Variants in TRIQK observed in about 807,000 individuals in gnomAD.
The protein encoded by TRIQK is triple QxxK/R motif containing, also known as triple QxxK/R motif-containing protein.
Under a neutral mutation model 10.8 loss-of-function variants are expected in TRIQK, and 10 were observed. That is an observed-to-expected ratio of 0.92 (90% CI 0.57 to 1.57). The LOEUF (loss-of-function observed/expected upper bound fraction) is 1.57. TRIQK is among the 40% of genes most tolerant of loss of function. TRIQK has a pLI of 0.00. For missense variants in TRIQK, 107 were observed against 97.7 expected (o/e 1.09, Z -0.40); for synonymous variants, 33 against 33.7 (o/e 0.98, Z 0.07).
intron 2 of TRIQK, among the ~76,000 whole-genome samples, chr8:92,919,992 G>A (rs1304540138): frequency 6.6e-6 from 1 of 151,402 alleles, no homozygotes; most frequent in Non-Finnish European, 1.5e-5. Context: ...TTTCTTTTTT[G>A]TTTCCCATTT....
chr8:92,919,541 A>G (rs1810060025), intron 2 of TRIQK, among the ~76,000 whole-genome samples: 1 of 151,670 alleles, frequency 6.6e-6, no homozygotes, highest in Non-Finnish European at 1.5e-5. Flanking sequence ...TTTGGTTTGT[A>G]GTGTTTTGTT....
intron 2 of TRIQK, among the ~76,000 whole-genome samples, chr8:92,940,334 TA>T (rs56063230): frequency 0.72 from 94,367 of 130,410 alleles, 32,780 homozygotes; most frequent in Non-Finnish European, 0.79. Context: ...ATAGATTTAA[TA>T]AAAAAAAAAA....
chr8:92,957,386 T>A, intron 1 of TRIQK, among the ~76,000 whole-genome samples: 1 of 151,826 alleles, frequency 6.6e-6, no homozygotes, highest in Admixed American at 6.6e-5. Context: ...GAAGTAAGAA[T>A]GAAATGAAGT....
intron 1 of TRIQK, among the ~76,000 whole-genome samples, chr8:93,005,792 A>T (rs1447472497): frequency 6.6e-6 from 1 of 152,130 alleles, no homozygotes; most frequent in Non-Finnish European, 1.5e-5. Context: ...ACATTGTACT[A>T]GAAGCCCTGC....
chr8:93,014,942 A>T (rs1475974495), intron 1 of TRIQK, among the ~76,000 whole-genome samples: 2 of 152,084 alleles, frequency 1.3e-5, no homozygotes, highest in East Asian at 1.9e-4. Context: ...TAATGTAGCC[A>T]TATAATGTGT....
chr8:92,989,286 C>T (rs1291310956), intron 1 of TRIQK, among the ~76,000 whole-genome samples: 2 of 152,116 alleles, frequency 1.3e-5, no homozygotes, highest in Non-Finnish European at 2.9e-5. Context: ...TAATCAAAAC[C>T]ATTTAAGCAG....
intron 3 of TRIQK, among the ~76,000 whole-genome samples, chr8:92,894,021 T>C (rs1816888405): frequency 6.6e-6 from 1 of 152,090 alleles, no homozygotes; most frequent in Admixed American, 6.6e-5. Flanking sequence ...AACTGCCATA[T>C]AACCATTGGT....
intron 2 of TRIQK, among the ~76,000 whole-genome samples, chr8:92,942,800 T>C (rs1811334871): frequency 2.0e-5 from 3 of 152,142 alleles, no homozygotes; most frequent in South Asian, 4.1e-4. Flanking sequence ...GTTTGAGCAG[T>C]TCTCCTGCCT....
intron 3 of TRIQK, among the ~76,000 whole-genome samples, chr8:92,901,314 T>C (rs764148508): frequency 6.6e-6 from 1 of 152,202 alleles, no homozygotes; most frequent in Non-Finnish European, 1.5e-5. Flanking sequence ...AGCAGTCTTG[T>C]CTTGTTCCAG....
At chr8:92,978,707 C>T (rs1812956235) in intron 1 of TRIQK, among the ~76,000 whole-genome samples, 1 of 152,074 alleles carries the variant, frequency 6.6e-6, no homozygotes. Flanking sequence ...GTCAGGGCAA[C>T]CACAGTCCTT....
At chr8:92,995,522 A>G (rs1310691727) in intron 1 of TRIQK, among the ~76,000 whole-genome samples, 2 of 151,804 alleles carry the variant, frequency 1.3e-5, no homozygotes, top group Non-Finnish European at 2.9e-5. Flanking sequence ...GGTCTATCCT[A>G]TGAGATTTTT....
chr8:92,942,621 A>AT (rs1811325114), intron 2 of TRIQK, among the ~76,000 whole-genome samples: 1 of 152,208 alleles, frequency 6.6e-6, no homozygotes, highest in Non-Finnish European at 1.5e-5. Flanking sequence ...TGCAGATGTC[A>AT]TTATCTTACA....
At chr8:92,946,697 A>C (rs1197657272) in intron 2 of TRIQK, among the ~76,000 whole-genome samples, 2 of 151,898 alleles carry the variant, frequency 1.3e-5, no homozygotes, top group Admixed American at 6.6e-5. Context: ...TCTCTGATTG[A>C]ACCATATTTC....
At chr8:92,969,577 A>G (rs1432212655), upstream of TRIQK, among the ~76,000 whole-genome samples, 1 of 151,370 alleles carries the variant, frequency 6.6e-6, no homozygotes, top group Non-Finnish European at 1.5e-5. Flanking sequence ...GCTTTTAAAA[A>G]CATTTTATTT....
At chr8:92,980,160 T>C (rs1400935136) in intron 1 of TRIQK, among the ~76,000 whole-genome samples, 1 of 152,076 alleles carries the variant, frequency 6.6e-6, no homozygotes, top group Non-Finnish European at 1.5e-5. Context: ...TACTAATGAG[T>C]ATTTATTTCC....
At chr8:92,992,473 TG>T (rs1490190367) in intron 1 of TRIQK, among the ~76,000 whole-genome samples, 5 of 152,120 alleles carry the variant, frequency 3.3e-5, no homozygotes, top group Admixed American at 2.6e-4. Flanking sequence ...CATCTGCTCA[TG>T]GGAGAGGAGA....
At chr8:92,905,178 T>C (rs994894915) in intron 3 of TRIQK, among the ~76,000 whole-genome samples, 4 of 152,082 alleles carry the variant, frequency 2.6e-5, no homozygotes, top group African/African-American at 9.7e-5. Flanking sequence ...GAATAATTTA[T>C]AACTGTCCAA....
intron 2 of TRIQK, among the ~76,000 whole-genome samples, chr8:92,923,079 T>C (rs764744621): frequency 7.2e-5 from 11 of 151,882 alleles, no homozygotes; most frequent in South Asian, 2.1e-4. Flanking sequence ...AATAAACACA[T>C]TGAGGCTATT....
chr8:92,929,026 T>C (rs933684418), intron 2 of TRIQK, among the ~76,000 whole-genome samples: 3 of 152,146 alleles, frequency 2.0e-5, no homozygotes, highest in Admixed American at 1.3e-4. Context: ...TTTTAGAATA[T>C]AGGAACAGCT....
Sources: allele counts gnomAD v4.1 joint callset (sites outside exome capture counted in the v4.1 genomes callset), GRCh38; gene constraint gnomAD v4.1.1; transcripts MANE v1.5; gene names NCBI Gene and HGNC (gene_info 2026-07-23, HGNC 2026-07-21).